OPCML: variants seen among roughly 807,000 people sequenced by gnomAD.
OPCML encodes opioid binding protein/cell adhesion molecule like.
Under a neutral mutation model 37.8 loss-of-function variants are expected in OPCML, and 13 were observed. The observed-to-expected ratio is 0.34, with a 90% CI of 0.22 to 0.55. The LOEUF is 0.55. OPCML is among the 20% of genes least tolerant of loss of function. The pLI, the probability that OPCML is intolerant of heterozygous loss-of-function variation, is 0.91. For missense variants in OPCML, 341 were observed against 435.6 expected, an observed-to-expected ratio of 0.78 and a Z score of 1.93; for synonymous variants, 176 against 168.8, an observed-to-expected ratio of 1.04 and a Z score of -0.33.
intron 1 of OPCML, among the ~76,000 whole-genome samples, chr11:133,328,029 A>G (rs1173329586): frequency 1.3e-5 from 2 of 152,210 alleles, no homozygotes; most frequent in Non-Finnish European, 2.9e-5. Flanking sequence ...TATGCTTACT[A>G]AAAACCTAGG....
chr11:132,555,390 G>C (rs1242849398), intron 3 of OPCML, among the ~76,000 whole-genome samples: 1 of 151,948 alleles, frequency 6.6e-6, no homozygotes, highest in Admixed American at 6.6e-5. Flanking sequence ...CAAGTGAAAG[G>C]GGTTTCTCCT....
intron 3 of OPCML, among the ~76,000 whole-genome samples, chr11:132,623,255 A>T (rs1939532835): frequency 6.6e-6 from 1 of 152,050 alleles, no homozygotes; most frequent in African/African-American, 2.4e-5. Flanking sequence ...CTACCTATCA[A>T]ATATGAAACA....
chr11:133,245,791 A>C (rs1233931489), intron 1 of OPCML, among the ~76,000 whole-genome samples: 1 of 152,236 alleles, frequency 6.6e-6, no homozygotes, highest in East Asian at 1.9e-4. Flanking sequence ...GCAGCCATAA[A>C]AAGGAGTGAG....
chr11:132,991,316 G>A (rs899918863), intron 1 of OPCML, among the ~76,000 whole-genome samples: 7 of 152,100 alleles, frequency 4.6e-5, no homozygotes, highest in African/African-American at 1.7e-4. Flanking sequence ...AAGATTGCCT[G>A]GATCATATTT....
At chr11:133,505,661 CT>C (rs1252962737) in intron 1 of OPCML, among the ~76,000 whole-genome samples, 2 of 152,218 alleles carry the variant, frequency 1.3e-5, no homozygotes, top group Non-Finnish European at 2.9e-5. Context: ...TCCAGTGCCC[CT>C]GTCTTATAAT....
At chr11:133,340,779 T>A (rs1178675125) in intron 1 of OPCML, among the ~76,000 whole-genome samples, 1 of 152,054 alleles carries the variant, frequency 6.6e-6, no homozygotes, top group Non-Finnish European at 1.5e-5. Context: ...CTTAAGTGTA[T>A]GTATAAGAAA....
chr11:133,428,653 A>T (rs1000817909), intron 1 of OPCML, among the ~76,000 whole-genome samples: 3 of 152,228 alleles, frequency 2.0e-5, no homozygotes, highest in Non-Finnish European at 4.4e-5. Flanking sequence ...TATAGAAAAT[A>T]TACAATCACA....
At chr11:132,631,820 G>A (rs1940149088) in intron 3 of OPCML, among the ~76,000 whole-genome samples, 2 of 151,978 alleles carry the variant, frequency 1.3e-5, no homozygotes, top group Admixed American at 1.3e-4. Flanking sequence ...CACAAGACAG[G>A]TAGTGTCTAC....
intron 1 of OPCML, among the ~76,000 whole-genome samples, chr11:133,464,026 G>A (rs531658269): frequency 6.6e-6 from 1 of 151,314 alleles, no homozygotes; most frequent in South Asian, 2.1e-4. Context: ...TCAACATCTT[G>A]GTGCAGAGTT....
intron 2 of OPCML, among the ~76,000 whole-genome samples, chr11:132,739,918 C>T (rs887832223): frequency 6.6e-6 from 1 of 152,032 alleles, no homozygotes; most frequent in African/African-American, 2.4e-5. Flanking sequence ...CAACCTATTT[C>T]GACAAACAGA....
intron 2 of OPCML, among the ~76,000 whole-genome samples, chr11:132,719,478 G>T (rs546507145): frequency 3.9e-5 from 6 of 152,258 alleles, no homozygotes; most frequent in African/African-American, 1.2e-4. Flanking sequence ...ACTTCTCCCC[G>T]GTTTAAATTA....
At chr11:132,885,407 A>C (rs1356861002) in intron 2 of OPCML, among the ~76,000 whole-genome samples, 1 of 152,186 alleles carries the variant, frequency 6.6e-6, no homozygotes, top group African/African-American at 2.4e-5. Context: ...TGTTTATCCT[A>C]CTTTAGCTGG....
At chr11:132,577,825 T>C (rs973526249) in intron 3 of OPCML, among the ~76,000 whole-genome samples, 5 of 152,164 alleles carry the variant, frequency 3.3e-5, no homozygotes, top group African/African-American at 1.2e-4. Context: ...CTTTCAATTC[T>C]TTTTTCCTCT....
chr11:133,395,719 C>A (rs1945270614), intron 1 of OPCML, among the ~76,000 whole-genome samples: 1 of 152,042 alleles, frequency 6.6e-6, no homozygotes, highest in African/African-American at 2.4e-5. Flanking sequence ...TTTCTGGGTT[C>A]TTTATTCTGT....
intron 1 of OPCML, among the ~76,000 whole-genome samples, chr11:133,519,614 C>T (rs1948359207): frequency 6.6e-6 from 1 of 152,178 alleles, no homozygotes; most frequent in Non-Finnish European, 1.5e-5. Flanking sequence ...CTCCCATCTC[C>T]CCTATCTTCC....
At chr11:133,225,903 C>A (rs1363734552) in intron 1 of OPCML, among the ~76,000 whole-genome samples, 1 of 152,174 alleles carries the variant, frequency 6.6e-6, no homozygotes, top group Admixed American at 6.5e-5. Flanking sequence ...ATGATAGATA[C>A]CAAATATTCT....
chr11:132,924,027 T>G lies in OPCML; in HGVS notation c.146+18899A>C, dbSNP rs373179246. Among the ~76,000 whole-genome samples the G allele has an allele frequency of 1.7e-3, 251 of 151,998 alleles. 1 individual carries two copies. Among genetic ancestry groups the G allele is most frequent in the African/African-American group, 5.9e-3 (243 of 41,446 alleles). ...ATCCGCCCGCCTCGGCCTCCCAAAGTGCTGAGATTACAGGTGTGAGCCACT... is the reference window on the plus strand; with the variant it reads ...ATCCGCCCGCCTCGGCCTCCCAAAGGGCTGAGATTACAGGTGTGAGCCACT... On this transcript the variant is annotated intron_variant, in intron 2 of 7. Coordinates refer to ENST00000524381, the MANE Select transcript of OPCML (RefSeq NM_001012393.5).
chr11:133,408,348 T>C (rs73604533), intron 1 of OPCML, among the ~76,000 whole-genome samples: 2,078 of 152,288 alleles, frequency 0.014, 50 homozygotes, highest in African/African-American at 0.048. Flanking sequence ...GTTTCTGCAG[T>C]GAAAATTGTT....
At chr11:132,995,380 T>C (rs1366373562) in intron 1 of OPCML, among the ~76,000 whole-genome samples, 3 of 152,086 alleles carry the variant, frequency 2.0e-5, no homozygotes, top group African/African-American at 7.2e-5. Flanking sequence ...GTGATAATAA[T>C]AAAAGAGGAT....
Sources: gnomAD v4.1 joint callset for allele counts (sites outside exome capture counted in the v4.1 genomes callset) on GRCh38, gnomAD v4.1.1 for gene constraint, MANE v1.5 for transcripts, NCBI Gene and HGNC (gene_info 2026-07-23, HGNC 2026-07-21) for gene names.